PIGN: variants seen among roughly 807,000 people sequenced by gnomAD.
PIGN encodes the protein phosphatidylinositol glycan anchor biosynthesis class N, also known as GPI ethanolamine phosphate transferase 1.
In PIGN, 117 loss-of-function variants were observed where a neutral mutation model predicts 125.4. The ratio of observed to expected loss-of-function variants is 0.93; its 90% CI spans 0.80 to 1.09. PIGN has a LOEUF of 1.09. PIGN is among the 50% of genes least tolerant of loss of function. The pLI, the probability that PIGN is intolerant of heterozygous loss-of-function variation, is 0.00. For missense variants in PIGN, 1,075 were observed against 1,094.9 expected, an observed-to-expected ratio of 0.98 and a Z score of 0.26; for synonymous variants, 392 against 377.8, an observed-to-expected ratio of 1.04 and a Z score of -0.44.
chr18:62,065,936 GT>G (rs2032493289), intron 30 of PIGN, among the ~76,000 whole-genome samples: 1 of 152,122 alleles, frequency 6.6e-6, no homozygotes, highest in Admixed American at 6.5e-5. Context: ...GAAAATTTCT[GT>G]TCAGGGGCCT....
intron 4 of PIGN, among the ~76,000 whole-genome samples, chr18:62,158,994 G>A (rs1482785145): frequency 1.3e-5 from 2 of 152,198 alleles, no homozygotes; most frequent in East Asian, 1.9e-4. Flanking sequence ...GCTCACGCCT[G>A]TAATCCCAGC....
At chr18:62,038,672 C>A (rs914730058), downstream of PIGN, among the ~76,000 whole-genome samples, 23 of 152,240 alleles carry the variant, frequency 1.5e-4, no homozygotes, top group African/African-American at 5.1e-4. Flanking sequence ...GTGGCTCGTG[C>A]CTCTGATCCC....
chr18:62,050,136 T>G (rs1599395713), intron 30 of PIGN, among the ~76,000 whole-genome samples: 1 of 152,222 alleles, frequency 6.6e-6, no homozygotes, highest in African/African-American at 2.4e-5. Flanking sequence ...GGTAGCGTGA[T>G]GCCTCCAGCT....
At chr18:62,062,752 C>T (rs2032229268) in intron 30 of PIGN, among the ~76,000 whole-genome samples, 1 of 151,916 alleles carries the variant, frequency 6.6e-6, no homozygotes, top group Non-Finnish European at 1.5e-5. Context: ...AAAGTTAACA[C>T]CCTTTTCTCA....
At chr18:62,077,643 GA>G (rs1417197782) in intron 28 of PIGN, among the ~76,000 whole-genome samples, 1 of 152,058 alleles carries the variant, frequency 6.6e-6, no homozygotes, top group Non-Finnish European at 1.5e-5. Flanking sequence ...GTAATATGTG[GA>G]AAGTACCTAA....
intron 14 of PIGN, among the ~76,000 whole-genome samples, chr18:62,133,732 C>A (rs12455704): frequency 0.32 from 48,962 of 151,964 alleles, 8,736 homozygotes; most frequent in East Asian, 0.55. Context: ...TTTCCAATTA[C>A]ATATTCTACT....
rs192282773 is a variant in PIGN, at chr18:62,169,365, T to C, written c.-235-5709A>G. On this transcript the variant is annotated intron_variant, in intron 1 of 30. Transcript: ENST00000640252. The stretch of plus-strand genomic sequence containing the variant: ...TCACTCTCATGTTAACAGACACTTG[T>C]GTTGTTTCTAAAAGTTTTTGGCTAT... 1.4e-3 allele frequency among the ~76,000 whole-genome samples: 211 copies of C among 152,364 alleles called. 6 individuals carry two copies. The highest frequency in any genetic ancestry group is 0.012 in the Admixed American group (189 of 15,308).
rs2146402225 is a variant in PIGN at position 62,105,441 on chromosome 18, A to G, written c.1859+102T>C. 50 of 698,850 alleles carry G rather than the reference A, an allele frequency of 7.2e-5. No homozygotes were observed. The South Asian group carries it at 9.3e-4, about 13-fold the overall frequency. The allele number at this position is 698,850 out of a possible 1,614,324, so 43.3% of individuals were successfully genotyped here. A position where few individuals can be genotyped will look rare whatever the true frequency, so the allele number is the denominator to read the frequency against. Reference sequence around the variant, plus strand: ...GTATTTTAAATTCCCGTTAGTTCACATGATTTTATATTCTTGACCAAGATT... The same window carrying G: ...GTATTTTAAATTCCCGTTAGTTCACGTGATTTTATATTCTTGACCAAGATT... On this transcript the variant is annotated intron_variant, in intron 20 of 30. Coordinates refer to ENST00000640252, the MANE Select transcript of PIGN (RefSeq NM_176787.5).
intron 30 of PIGN, among the ~76,000 whole-genome samples, chr18:62,055,138 T>C (rs2031624501): frequency 6.6e-6 from 1 of 152,186 alleles, no homozygotes; most frequent in Non-Finnish European, 1.5e-5. Context: ...ATGCAAATAA[T>C]ATAAGACTCA....
intron 1 of PIGN, among the ~76,000 whole-genome samples, chr18:62,174,705 TATTA>T (rs552845508): frequency 6.8e-4 from 103 of 152,244 alleles, no homozygotes; most frequent in African/African-American, 2.3e-3. Context: ...TTCCCAATAT[TATTA>T]ATTAATTAAA....
At chr18:62,074,176 A>G (rs1191903267) in intron 29 of PIGN, among the ~76,000 whole-genome samples, 1 of 152,244 alleles carries the variant, frequency 6.6e-6, no homozygotes, top group Admixed American at 6.5e-5. Flanking sequence ...ATGCACTGGA[A>G]TAAACTGTAA....
At chr18:62,129,692 C>T (rs1166130145) in intron 14 of PIGN, among the ~76,000 whole-genome samples, 1 of 214 alleles carries the variant, frequency 4.7e-3, no homozygotes, top group Non-Finnish European at 0.011. Context: ...TCTATCTTTT[C>T]CAACATCAGT....
At chr18:62,096,008 C>A in intron 22 of PIGN, 58 bp from the exon 23 acceptor site, 2 of 1,150,842 alleles carry the variant, frequency 1.7e-6, no homozygotes, top group Non-Finnish European at 2.6e-6. Context: ...AAAATGTTAG[C>A]GTAGGGCCGG....
intron 13 of PIGN, among the ~76,000 whole-genome samples, chr18:62,138,527 A>G (rs1204711208): frequency 1.3e-5 from 2 of 152,210 alleles, no homozygotes; most frequent in African/African-American, 4.8e-5. Flanking sequence ...AACATACTGT[A>G]ATTAAAACTG....
rs370328743 is a variant in PIGN at position 62,073,258 on chromosome 18, C to T, written c.2620-533G>A. ...TGGAAAATATAGGCAATTATAGAAA[C>T]AGAGGAAGGGGTTCATACCCTGATT... On this transcript the variant is annotated intron_variant, in intron 29 of 30. Coordinates refer to ENST00000640252, the MANE Select transcript of PIGN (RefSeq NM_176787.5). Among the ~76,000 whole-genome samples, 19 of 150,498 alleles carry T rather than the reference C, an allele frequency of 1.3e-4. No homozygotes were observed. In the East Asian group the frequency reaches 2.2e-3, roughly 17 times the overall value.
chr18:62,158,527 T>C (rs558578327), intron 4 of PIGN, among the ~76,000 whole-genome samples: 1 of 152,320 alleles, frequency 6.6e-6, no homozygotes, highest in South Asian at 2.1e-4. Flanking sequence ...TCAACATTAT[T>C]TAAGTTGTAT....
At chr18:62,036,281 T>C (rs575783506), downstream of PIGN, among the ~76,000 whole-genome samples, 1 of 152,226 alleles carries the variant, frequency 6.6e-6, no homozygotes, top group Admixed American at 6.5e-5. Flanking sequence ...TTTTTAAAGA[T>C]TTTTTTAGAG....
intron 28 of PIGN, 181 bp from the exon 29 acceptor site, chr18:62,075,002 G>A: frequency 6.2e-6 from 3 of 484,362 alleles, no homozygotes; most frequent in Non-Finnish European, 1.1e-5. Flanking sequence ...AGATGAGCTG[G>A]ACTGTAAAAT....
intron 23 of PIGN, chr18:62,017,751 T>C (rs1298109193): frequency 2.7e-5 from 4 of 149,582 alleles, no homozygotes; most frequent in South Asian, 2.1e-4. Flanking sequence ...CCTGGTGAAG[T>C]GGAGAAAAAA....
Sources: gnomAD v4.1 joint callset for allele counts (sites outside exome capture counted in the v4.1 genomes callset) on GRCh38, gnomAD v4.1.1 for gene constraint, MANE v1.5 for transcripts, NCBI Gene and HGNC (gene_info 2026-07-23, HGNC 2026-07-21) for gene names.